Variants in THSD7A observed in about 807,000 individuals in gnomAD.
THSD7A encodes the protein thrombospondin type 1 domain containing 7A.
In THSD7A, 96 loss-of-function variants were observed where a neutral mutation model predicts 231.3. That is an observed-to-expected ratio of 0.41 (90% confidence interval 0.35 to 0.49). THSD7A has a LOEUF of 0.49. THSD7A is among the 20% of genes least tolerant of loss of function. THSD7A has a pLI of 0.05. For missense variants in THSD7A, 2,290 were observed against 2,070.2 expected, an observed-to-expected ratio of 1.11 and a Z score of -2.06; for synonymous variants, 940 against 743.3, an observed-to-expected ratio of 1.26 and a Z score of -4.30.
At position 11,501,293 on chromosome 7, in the gene THSD7A, A is replaced by C. The variant is rs115924641; in HGVS notation, c.1823-19311T>G. On this transcript the variant is annotated intron_variant, in intron 6 of 27. Transcript: ENST00000423059. ...GGACCAAATGGACCTGATAGACTAT[A>C]CAGAAATCTCCACCCAAAAGCAACA... Among the ~76,000 whole-genome samples, 330 of 152,316 alleles carry C rather than the reference A, an allele frequency of 2.2e-3. 4 individuals carry two copies. Among genetic ancestry groups the C allele is most frequent in the African/African-American group, 7.6e-3 (317 of 41,576 alleles).
chr7:11,428,946 C>T lies in THSD7A; in HGVS notation c.3243+1G>A, dbSNP rs1401023466. On this transcript the variant is annotated splice_donor_variant, in intron 14 of 27. Transcript: ENST00000423059. LOFTEE classifies it high-confidence loss of function. Reference sequence around the variant, plus strand: ...TTAACACTGTCAATGATAGAAAATACCTGGTTGACATGGTCCAGTTTGGGG... The same window carrying T: ...TTAACACTGTCAATGATAGAAAATATCTGGTTGACATGGTCCAGTTTGGGG... The T allele has an allele frequency of 6.2e-7, 1 of 1,600,590 alleles. No individual in the cohort carries two copies. The highest frequency in any genetic ancestry group is 8.5e-7 in the Non-Finnish European group (1 of 1,174,996).
At chr7:11,469,779 C>T in intron 9 of THSD7A, 100 bp downstream of exon 9, 3 of 743,542 alleles carry the variant, frequency 4.0e-6, no homozygotes, top group Non-Finnish European at 4.6e-6. Context: ...GTTTACATAG[C>T]CCTGTGCAAA....
At chr7:11,521,465 T>TTCCTAATGCGGATGCATTCATTG (rs1562681523) in intron 6 of THSD7A, among the ~76,000 whole-genome samples, 3 of 111,050 alleles carry the variant, frequency 2.7e-5, no homozygotes, top group African/African-American at 1.3e-4. Context: ...ACATTCTTTT[T>TTCCTAATGCGGATGCATTCATTG]TATTTTTTTA....
intron 23 of THSD7A, among the ~76,000 whole-genome samples, chr7:11,393,344 TC>T (rs1202524651): frequency 6.6e-6 from 1 of 152,112 alleles, no homozygotes; most frequent in African/African-American, 2.4e-5. Context: ...GGATGTCCAC[TC>T]AGAGACCCCG....
chr7:11,665,335 CT>C (rs1163774746), intron 1 of THSD7A, among the ~76,000 whole-genome samples: 1 of 152,000 alleles, frequency 6.6e-6, no homozygotes, highest in African/African-American at 2.4e-5. Flanking sequence ...TGTAGAACAG[CT>C]TTTCAGGCAT....
chr7:11,456,861 T>C (rs895628666), intron 11 of THSD7A, among the ~76,000 whole-genome samples: 1 of 152,012 alleles, frequency 6.6e-6, no homozygotes, highest in East Asian at 1.9e-4. Context: ...TATAGATTGA[T>C]AAAAGTCATG....
At chr7:11,812,452 G>C (rs1240547851) in intron 1 of THSD7A, among the ~76,000 whole-genome samples, 5 of 152,130 alleles carry the variant, frequency 3.3e-5, no homozygotes, top group Non-Finnish European at 7.4e-5. Context: ...TAGGGCAACG[G>C]ATTGTTTAGA....
intron 2 of THSD7A, among the ~76,000 whole-genome samples, chr7:11,602,257 T>C (rs984567609): frequency 1.4e-4 from 22 of 152,140 alleles, no homozygotes; most frequent in African/African-American, 5.3e-4. Context: ...TATATGATTA[T>C]ATAGTTTACA....
chr7:11,540,779 C>G (rs888408432), intron 6 of THSD7A, among the ~76,000 whole-genome samples: 1 of 152,142 alleles, frequency 6.6e-6, no homozygotes, highest in African/African-American at 2.4e-5. Flanking sequence ...TTTTATCAAA[C>G]AAATATTAGT....
At chr7:11,417,716 G>T (rs940146823) in intron 16 of THSD7A, 113 bp from the exon 17 acceptor site, 6 of 1,055,442 alleles carry the variant, frequency 5.7e-6, no homozygotes, top group South Asian at 2.0e-5. Context: ...TTAAGACATC[G>T]TTATGGGGGT....
intron 11 of THSD7A, among the ~76,000 whole-genome samples, chr7:11,450,210 C>G (rs768450108): frequency 6.6e-6 from 1 of 151,980 alleles, no homozygotes. Context: ...ACTACCAATA[C>G]AATTCCAGAA....
chr7:11,504,642 T>C (rs995579487), intron 6 of THSD7A, among the ~76,000 whole-genome samples: 5 of 152,160 alleles, frequency 3.3e-5, no homozygotes, highest in Admixed American at 6.5e-5. Flanking sequence ...ATAATCTACA[T>C]ATATTGTAAC....
At position 11,468,609 on chromosome 7, in the gene THSD7A, G is replaced by T. The variant is rs182119230; in HGVS notation, c.2368+1270C>A. On this transcript the variant is annotated intron_variant, in intron 9 of 27. Coordinates refer to ENST00000423059, the MANE Select transcript of THSD7A (RefSeq NM_015204.3). ...AGCACTTTGGGAGGCTGAGATGGGT[G>T]GATCACTTGAGGCCAGGAGTTCTAG... 3.3e-5 allele frequency among the ~76,000 whole-genome samples: 5 copies of T among 152,210 alleles called. No individual in the cohort carries two copies. The East Asian group carries it at 9.7e-4, about 29-fold the overall frequency.
At chr7:11,566,662 A>G (rs1430574968) in intron 4 of THSD7A, among the ~76,000 whole-genome samples, 1 of 152,086 alleles carries the variant, frequency 6.6e-6, no homozygotes, top group Admixed American at 6.6e-5. Flanking sequence ...AATTTTTTCA[A>G]TGGTATTTTA....
rs147818054 is a variant in THSD7A, at chr7:11,615,481, C to A, written c.1022+20649G>T. ...CTCTGCCTATCCTCAGTAATAAACC[C>A]CTTCCTACTTTAAACTAGCTGTTGT... On this transcript the variant is annotated intron_variant, in intron 2 of 27. Coordinates refer to ENST00000423059, the MANE Select transcript of THSD7A (RefSeq NM_015204.3). Among the ~76,000 whole-genome samples, 74 of 152,264 alleles carry A rather than the reference C, an allele frequency of 4.9e-4. No individual in the cohort carries two copies. In the East Asian group the frequency reaches 9.5e-3, roughly 19 times the overall value.
chr7:11,799,687 G>A (rs541452469), intron 1 of THSD7A, among the ~76,000 whole-genome samples: 1 of 152,142 alleles, frequency 6.6e-6, no homozygotes, highest in South Asian at 2.1e-4. Flanking sequence ...CATATTTTGG[G>A]TTTTTTCTCT....
chr7:11,474,396 G>C lies in THSD7A; in HGVS notation c.2190C>G (p.Val730=), dbSNP rs750981405. The C allele has an allele frequency of 1.2e-6, 2 of 1,613,498 alleles. No homozygotes were observed. Among genetic ancestry groups the C allele is most frequent in the Non-Finnish European group, 1.7e-6 (2 of 1,179,564 alleles). The change falls in exon 8 of 28, where the codon GTC becomes GTG. Residue 730 remains valine, a synonymous_variant. Transcript: ENST00000423059. The surrounding 1 kb of genome is among the most constrained non-coding windows in gnomAD (Gnocchi z 4.1). Reference sequence around the variant, plus strand: ...AGATGACTTTTCTTGTCTGCATGCCGACAGAGCAGGAGGCCTCCCCATTCC... The same window carrying C: ...AGATGACTTTTCTTGTCTGCATGCCCACAGAGCAGGAGGCCTCCCCATTCC... ...TTWNGEASCS[V]GMQTRKVICV...
At chr7:11,559,645 G>A (rs942153229) in intron 4 of THSD7A, among the ~76,000 whole-genome samples, 1 of 151,806 alleles carries the variant, frequency 6.6e-6, no homozygotes, top group Admixed American at 6.6e-5. Context: ...GAGAAGTGAA[G>A]AAAGTAGAAG....
intron 4 of THSD7A, among the ~76,000 whole-genome samples, chr7:11,575,619 C>T (rs1790864469): frequency 6.6e-6 from 1 of 152,202 alleles, no homozygotes; most frequent in African/African-American, 2.4e-5. Flanking sequence ...TATAACGGAA[C>T]TCTCTGCCTC....
Sources: allele counts gnomAD v4.1 joint callset (sites outside exome capture counted in the v4.1 genomes callset), GRCh38; gene constraint gnomAD v4.1.1; non-coding constraint Gnocchi (gnomAD v3.1); transcripts MANE v1.5; gene names NCBI Gene and HGNC (gene_info 2026-07-23, HGNC 2026-07-21).